DNMBP: variants seen among roughly 807,000 people sequenced by gnomAD.
DNMBP encodes dynamin-binding protein.
Under a neutral mutation model 150.0 loss-of-function variants are expected in DNMBP, and 87 were observed. The ratio of observed to expected loss-of-function variants is 0.58; its 90% CI spans 0.49 to 0.69. DNMBP has a LOEUF of 0.69. DNMBP is among the 30% of genes least tolerant of loss of function. The pLI, the probability that DNMBP is intolerant of heterozygous loss-of-function variation, is 0.00. For synonymous variants in DNMBP, 711 were observed against 750.4 expected (o/e 0.95, Z 0.86); for missense variants, 1,774 against 1,949.0 (o/e 0.91, Z 1.69).
intron 3 of DNMBP, among the ~76,000 whole-genome samples, chr10:99,968,116 G>C (rs1297258790): frequency 1.3e-5 from 2 of 152,134 alleles, no homozygotes; most frequent in Non-Finnish European, 2.9e-5. Flanking sequence ...CGATCCTCTT[G>C]CTGCAGCCTC....
At position 99,952,048 on chromosome 10, in the gene DNMBP, G is replaced by C. The variant is rs149598614; in HGVS notation, c.2260+3166C>G. ...GGTCTTTCCTGTGCTGCTCTCGTGA[G>C]AGTGAGTAAGTCTCATGAGATCTGA... On this transcript the variant is annotated intron_variant, in intron 4 of 16. Coordinates refer to ENST00000324109, the MANE Select transcript of DNMBP (RefSeq NM_015221.4). Among the ~76,000 whole-genome samples, 1,012 of 152,136 alleles carry C rather than the reference G, an allele frequency of 6.7e-3. 11 individuals carry two copies. Among genetic ancestry groups the C allele is most frequent in the African/African-American group, 0.023 (968 of 41,504 alleles).
At chr10:99,913,839 C>T in intron 4 of DNMBP, 1 of 1,137,024 alleles carries the variant, frequency 8.8e-7, no homozygotes, top group Non-Finnish European at 1.1e-6. Flanking sequence ...CTGGATCTAT[C>T]TCTAATGGGG....
In DNMBP at chr10:99,886,217, T is replaced by C; in HGVS notation, c.3618+83A>G. 25 of 1,197,782 alleles carry C rather than the reference T, an allele frequency of 2.1e-5. No individual in the cohort carries two copies. In the South Asian group the frequency reaches 3.5e-4, roughly 17 times the overall value. 74.2% of individuals were successfully genotyped at this position (1,197,782 alleles called of 1,614,324 possible). A position where few individuals can be genotyped will look rare whatever the true frequency, so the allele number is the denominator to read the frequency against. ...CAGTTTATCTAATTCAGATAATTTT[T>C]CAAACCATGCTACCATTTTTCCCAG... On this transcript the variant is annotated intron_variant, in intron 13 of 16. Transcript: ENST00000324109.
chr10:99,920,808 T>G (rs989690474), intron 4 of DNMBP, among the ~76,000 whole-genome samples: 3 of 152,108 alleles, frequency 2.0e-5, no homozygotes, highest in African/African-American at 4.8e-5. Context: ...TCCTCCCAAG[T>G]AGCTGGAACC....
intron 4 of DNMBP, among the ~76,000 whole-genome samples, chr10:99,935,164 G>A (rs1194460272): frequency 6.7e-6 from 1 of 149,670 alleles, no homozygotes; most frequent in African/African-American, 2.5e-5. Flanking sequence ...GAAGAAAAAA[G>A]GAAATGAGCA....
chr10:99,921,957 T>G (rs541671328), intron 4 of DNMBP, among the ~76,000 whole-genome samples: 1 of 151,826 alleles, frequency 6.6e-6, no homozygotes, highest in Admixed American at 6.6e-5. Context: ...ATGTTTTGGA[T>G]TCAATGAAAT....
At chr10:99,948,888 G>A (rs1025716095) in intron 4 of DNMBP, among the ~76,000 whole-genome samples, 6 of 151,956 alleles carry the variant, frequency 3.9e-5, no homozygotes, top group East Asian at 3.9e-4. Flanking sequence ...ACTTGAACCC[G>A]GGAGGCAGAA....
chr10:99,922,502 GTTTTTTTTTT>G (rs71189108), intron 4 of DNMBP, among the ~76,000 whole-genome samples: 7 of 78,776 alleles, frequency 8.9e-5, no homozygotes, highest in African/African-American at 3.1e-4. Flanking sequence ...AGCTGCTGCT[GTTTTTTTTTT>G]TTTTTTTTTT....
intron 4 of DNMBP, among the ~76,000 whole-genome samples, chr10:99,935,852 A>C (rs1455131489): frequency 6.6e-6 from 1 of 152,184 alleles, no homozygotes; most frequent in Non-Finnish European, 1.5e-5. Context: ...GGCGTGAGCC[A>C]CCGCACCTGG....
intron 11 of DNMBP, 181 bp from the exon 12 acceptor site, chr10:99,889,134 A>C: frequency 3.2e-6 from 2 of 633,726 alleles, no homozygotes; most frequent in Non-Finnish European, 5.2e-6. Context: ...TACGGGGCAC[A>C]GAGAAAGGCT....
intron 1 of DNMBP, among the ~76,000 whole-genome samples, chr10:99,975,494 T>C (rs2040718704): frequency 2.0e-5 from 3 of 152,066 alleles, no homozygotes; most frequent in African/African-American, 7.2e-5. Flanking sequence ...ATTACCTATT[T>C]AATTTGTACT....
chr10:99,956,044 G>A lies in DNMBP; in HGVS notation c.1430C>T (p.Pro477Leu), dbSNP rs74892531. 8.1e-6 allele frequency: 13 copies of A among 1,614,192 alleles called. No individual in the cohort carries two copies. The African/African-American group carries it at 1.6e-4, about 20-fold the overall frequency. ...TGAAACAGAAGAGCCCCTGTAAAGA[G>A]GGAGCACTGGCTTCTGAAGAGTTTT... ...QLKTLQKPVL[P>L]LYRGSSVSAS... Residue 477 changes from proline to leucine, a missense_variant, in exon 4 of 17, where the codon CCT (proline) becomes CTT (leucine). By Grantham distance (98) the Pro-to-Leu change is moderately conservative (BLOSUM62 -3). Around this residue, in one of 2 missense-constraint regions of DNMBP, gnomAD observed 1,430 missense variants for 1,492.5 expected, o/e 0.96. Transcript: ENST00000324109.
At chr10:99,912,069 TTAAG>T (rs1406347490) in intron 4 of DNMBP, among the ~76,000 whole-genome samples, 1 of 152,210 alleles carries the variant, frequency 6.6e-6, no homozygotes. Context: ...ATCAGAATTT[TTAAG>T]TAGGTATTAT....
chr10:99,968,067 A>C (rs1398715806), intron 3 of DNMBP, among the ~76,000 whole-genome samples: 2 of 152,150 alleles, frequency 1.3e-5, no homozygotes, highest in East Asian at 3.9e-4. Flanking sequence ...GCTGGAGTGC[A>C]GTGATGTGAT....
intron 1 of DNMBP, among the ~76,000 whole-genome samples, chr10:99,972,816 CCA>C (rs1405321427): frequency 6.6e-6 from 1 of 152,150 alleles, no homozygotes; most frequent in Non-Finnish European, 1.5e-5. Context: ...GCTGTGTGTT[CCA>C]CACTGGAGTG....
intron 6 of DNMBP, among the ~76,000 whole-genome samples, chr10:99,903,105 T>TC (rs2039770583): frequency 6.7e-6 from 1 of 149,042 alleles, no homozygotes; most frequent in Non-Finnish European, 1.5e-5. Context: ...TGGGCAATTT[T>TC]TTTTTTTTTT....
intron 6 of DNMBP, among the ~76,000 whole-genome samples, chr10:99,904,428 T>C (rs898340897): frequency 6.6e-6 from 1 of 152,088 alleles, no homozygotes; most frequent in African/African-American, 2.4e-5. Context: ...TGCTTGATCA[T>C]TCTCTATCTC....
intron 4 of DNMBP, among the ~76,000 whole-genome samples, chr10:99,946,094 T>C (rs1313192094): frequency 6.6e-6 from 1 of 152,180 alleles, no homozygotes; most frequent in African/African-American, 2.4e-5. Context: ...GTAGCTGAGA[T>C]TACAGGTGCA....
At chr10:99,947,058 A>G (rs2040365304) in intron 4 of DNMBP, among the ~76,000 whole-genome samples, 2 of 152,222 alleles carry the variant, frequency 1.3e-5, no homozygotes, top group African/African-American at 4.8e-5. Flanking sequence ...ATTAAAGTAA[A>G]AAAATAACAG....
Sources: allele counts gnomAD v4.1 joint callset (sites outside exome capture counted in the v4.1 genomes callset), GRCh38; gene constraint gnomAD v4.1.1; regional missense constraint gnomAD v4.1.1; transcripts MANE v1.5; gene names NCBI Gene and HGNC (gene_info 2026-07-23, HGNC 2026-07-21).